ELAVL1: variants seen among roughly 807,000 people sequenced by gnomAD.
ELAVL1 encodes the protein ELAV-like protein 1.
A neutral mutation model predicts 28.4 loss-of-function variants in ELAVL1; 1 was observed. That is an observed-to-expected ratio of 0.04 (90% CI 0.01 to 0.17). The LOEUF (loss-of-function observed/expected upper bound fraction) is 0.17. Ranked by LOEUF, ELAVL1 falls within the 10% of genes least tolerant of loss-of-function variation. The probability of loss-of-function intolerance (pLI) is 1.00; values close to 1 mark genes in which losing one functional copy is unlikely to be tolerated. For synonymous variants in ELAVL1, 174 were observed against 183.5 expected (o/e 0.95, Z 0.42); for missense variants, 157 against 447.2 (o/e 0.35, Z 5.85).
At chr19:7,969,761 G>A (rs144768953) in intron 4 of ELAVL1, among the ~76,000 whole-genome samples, 5 of 152,234 alleles carry the variant, frequency 3.3e-5, no homozygotes, top group African/African-American at 9.6e-5. Flanking sequence ...GCGGAGAGAA[G>A]GCACGTGTGC....
chr19:7,993,974 TCAGA>T (rs1026631082), intron 1 of ELAVL1, among the ~76,000 whole-genome samples: 2 of 152,164 alleles, frequency 1.3e-5, no homozygotes, highest in African/African-American at 2.4e-5. Context: ...CCTACTAGTC[TCAGA>T]CAATGTGGAA....
At chr19:7,995,139 C>A (rs182649546) in intron 1 of ELAVL1, among the ~76,000 whole-genome samples, 1 of 152,116 alleles carries the variant, frequency 6.6e-6, no homozygotes, top group Non-Finnish European at 1.5e-5. Context: ...TCTGTGGCCA[C>A]GAGATTTTAG....
At position 7,963,273 on chromosome 19, in the gene ELAVL1, T is replaced by TA. The variant is rs1876162643; in HGVS notation, c.*209dup. Reference sequence around the variant, plus strand: ...AATATATATCTTAAAGGAAATAACTTACGAAACTTAAGATTGGTCTAACAT... The same window carrying TA: ...AATATATATCTTAAAGGAAATAACTTAACGAAACTTAAGATTGGTCTAACAT... On this transcript the variant is annotated 3_prime_UTR_variant, in exon 6 of 6. Coordinates refer to ENST00000407627, the MANE Select transcript of ELAVL1 (RefSeq NM_001419.3). This position sits in a 1 kb window ranked among gnomAD's most constrained non-coding sequence, Gnocchi z 4.5. The TA allele has an allele frequency of 3.4e-6, 2 of 593,886 alleles. No individual in the cohort carries two copies. Among genetic ancestry groups the TA allele is most frequent in the Admixed American group, 3.3e-5 (1 of 30,202 alleles). 36.8% of individuals were successfully genotyped at this position (593,886 alleles called of 1,614,324 possible). A position where few individuals can be genotyped will look rare whatever the true frequency, so the allele number is the denominator to read the frequency against.
chr19:7,972,720 G>A (rs1985150574), intron 4 of ELAVL1, among the ~76,000 whole-genome samples: 1 of 151,166 alleles, frequency 6.6e-6, no homozygotes, highest in Non-Finnish European at 1.5e-5. Flanking sequence ...GTGAACTCCT[G>A]GGCTCAAGCA....
intron 2 of ELAVL1, among the ~76,000 whole-genome samples, chr19:7,985,748 G>A (rs1388640759): frequency 6.6e-6 from 1 of 152,230 alleles, no homozygotes; most frequent in Non-Finnish European, 1.5e-5. Flanking sequence ...GAGACTGGCA[G>A]GGAGGAATGC....
intron 4 of ELAVL1, among the ~76,000 whole-genome samples, chr19:7,968,247 T>C (rs1985007650): frequency 6.6e-6 from 1 of 152,210 alleles, no homozygotes. Flanking sequence ...GCCACTCTCC[T>C]GGCTGCTGTC....
chr19:7,998,782 C>A (rs2081057733), intron 1 of ELAVL1, among the ~76,000 whole-genome samples: 1 of 151,534 alleles, frequency 6.6e-6, no homozygotes, highest in Admixed American at 6.6e-5. Context: ...CATGCCTGGC[C>A]TCCCAGCTCA....
At chr19:7,975,655 C>A (rs563467152) in intron 3 of ELAVL1, among the ~76,000 whole-genome samples, 1 of 152,342 alleles carries the variant, frequency 6.6e-6, no homozygotes, top group South Asian at 2.1e-4. Flanking sequence ...GTGTTCCCCC[C>A]ACCCCACAAT....
In ELAVL1 at chr19:7,982,137, C is replaced by T. The variant is rs933642674; in HGVS notation, c.173-951G>A. 2.0e-5 allele frequency among the ~76,000 whole-genome samples: 3 copies of T among 152,118 alleles called. No homozygotes were observed. Among genetic ancestry groups the T allele is most frequent in the Non-Finnish European group, 2.9e-5 (2 of 68,008 alleles). ...CTCACTGGATACCATGGGAGGGACT[C>T]GGGAGGGCAAGGGCAGGACCAGAGG... On this transcript the variant is annotated intron_variant, in intron 2 of 5. Transcript: ENST00000407627. This position sits in a 1 kb window ranked among gnomAD's most constrained non-coding sequence, Gnocchi z 4.3.
At chr19:7,983,303 G>C (rs1985514388) in intron 2 of ELAVL1, among the ~76,000 whole-genome samples, 1 of 152,210 alleles carries the variant, frequency 6.6e-6, no homozygotes, top group Non-Finnish European at 1.5e-5. Flanking sequence ...GCAGCTTGGA[G>C]AACAAGCAAC....
intron 1 of ELAVL1, among the ~76,000 whole-genome samples, chr19:8,002,356 C>G (rs1248113127): frequency 6.6e-6 from 1 of 152,216 alleles, no homozygotes; most frequent in Non-Finnish European, 1.5e-5. Context: ...GCATAATTCT[C>G]ACAGCACTCA....
At chr19:7,983,901 C>G (rs1204528362) in intron 2 of ELAVL1, among the ~76,000 whole-genome samples, 3 of 152,072 alleles carry the variant, frequency 2.0e-5, no homozygotes, top group African/African-American at 7.2e-5. Flanking sequence ...GAGCTTTCGG[C>G]AGCTCAGGGT....
chr19:7,974,957 A>T (rs1456132762), intron 3 of ELAVL1, among the ~76,000 whole-genome samples: 1 of 152,150 alleles, frequency 6.6e-6, no homozygotes, highest in East Asian at 1.9e-4. Flanking sequence ...GGGGAACAGG[A>T]CAGCCCCACG....
At chr19:7,995,183 C>G (rs2145225982) in intron 1 of ELAVL1, among the ~76,000 whole-genome samples, 1 of 152,294 alleles carries the variant, frequency 6.6e-6, no homozygotes, top group African/African-American at 2.4e-5. Flanking sequence ...AACAAACAGA[C>G]AAAAACATTT....
chr19:7,982,007 G>A lies in ELAVL1; in HGVS notation c.173-821C>T, dbSNP rs1251530729. Among the ~76,000 whole-genome samples the A allele has an allele frequency of 2.0e-5, 3 of 152,232 alleles. No homozygotes were observed. Among genetic ancestry groups the A allele is most frequent in the Non-Finnish European group, 2.9e-5 (2 of 68,038 alleles). ...AGAGTCCAGGGAGAGGCCAGGGGCT[G>A]AGAATCCCCAGCCCTGCCAGACAGT... On this transcript the variant is annotated intron_variant, in intron 2 of 5. Coordinates refer to ENST00000407627, the MANE Select transcript of ELAVL1 (RefSeq NM_001419.3). The surrounding 1 kb of genome is among the most constrained non-coding windows in gnomAD (Gnocchi z 4.3).
rs1394014687 is a variant in ELAVL1 at position 7,967,783 on chromosome 19, G to T, written c.438C>A (p.Ser146=). The T allele has an allele frequency of 6.2e-7, 1 of 1,611,430 alleles. No homozygotes were observed. The highest frequency in any genetic ancestry group is 1.1e-5 in the South Asian group (1 of 90,826). Residue 146 remains serine (S), a synonymous_variant, in exon 5 of 6, where the codon TCC becomes TCA. Coordinates refer to ENST00000407627, the MANE Select transcript of ELAVL1 (RefSeq NM_001419.3). ...CAAACCGGATAAACGCAACCCCTCT[G>T]GACAAACCTTTTCAACAAATCAACA... ...RVLVDQTTGL[S]RGVAFIRFDK...
At chr19:7,984,236 G>C (rs1321903666) in intron 2 of ELAVL1, among the ~76,000 whole-genome samples, 2 of 152,176 alleles carry the variant, frequency 1.3e-5, no homozygotes, top group Non-Finnish European at 2.9e-5. Context: ...CTGGGAGTTA[G>C]TGATGCATGA....
rs553116111 is a variant in ELAVL1, at chr19:7,961,880, C to G, written c.*1603G>C. On this transcript the variant is annotated 3_prime_UTR_variant, in exon 6 of 6. Transcript: ENST00000407627. ...ATAGGTATAAATAAACAGATAAATACAGCCATCATCTCATGAGAGCAATAA... is the reference window on the plus strand; with the variant it reads ...ATAGGTATAAATAAACAGATAAATAGAGCCATCATCTCATGAGAGCAATAA... The G allele has an allele frequency of 6.6e-6, 1 of 152,306 alleles. No individual in the cohort carries two copies. Among genetic ancestry groups the G allele is most frequent in the Admixed American group, 6.5e-5 (1 of 15,290 alleles). 9.4% of individuals were successfully genotyped at this position (152,306 alleles called of 1,614,324 possible). A position where few individuals can be genotyped will look rare whatever the true frequency, so the allele number is the denominator to read the frequency against.
In ELAVL1 at chr19:7,978,499, T is replaced by C. The variant is rs545361437; in HGVS notation, c.276+2584A>G. On this transcript the variant is annotated intron_variant, in intron 3 of 5. Transcript: ENST00000407627. ...GACACCAAAGCTCCACGGAGCCTCC[T>C]GGCAGGTGCACAGGTCACATGCAGG... 2.6e-5 allele frequency among the ~76,000 whole-genome samples: 4 copies of C among 152,326 alleles called. No homozygotes were observed. The East Asian group carries it at 7.7e-4, about 29-fold the overall frequency.
Sources: allele counts gnomAD v4.1 joint callset (sites outside exome capture counted in the v4.1 genomes callset), GRCh38; gene constraint gnomAD v4.1.1; non-coding constraint Gnocchi (gnomAD v3.1); transcripts MANE v1.5; gene names NCBI Gene and HGNC (gene_info 2026-07-23, HGNC 2026-07-21).